DAPK1: variants seen among roughly 807,000 people sequenced by gnomAD.
DAPK1 encodes death associated protein kinase 1, also known as death-associated protein kinase 1.
Under a neutral mutation model 144.9 loss-of-function variants are expected in DAPK1, and 56 were observed. The ratio of observed to expected loss-of-function variants is 0.39; its 90% CI spans 0.31 to 0.48. DAPK1 has a LOEUF of 0.48. Ranked by LOEUF, DAPK1 falls within the 20% of genes least tolerant of loss-of-function variation. The probability of loss-of-function intolerance (pLI) is 0.95; values close to 1 mark genes in which losing one functional copy is unlikely to be tolerated. For missense variants in DAPK1, 1,454 were observed against 1,875.4 expected (o/e 0.78, Z 4.15); for synonymous variants, 690 against 749.0 (o/e 0.92, Z 1.29).
chr9:87,542,071 CTTAT>C (rs1426182342), intron 2 of DAPK1, among the ~76,000 whole-genome samples: 2 of 152,186 alleles, frequency 1.3e-5, no homozygotes, highest in Non-Finnish European at 2.9e-5. Flanking sequence ...AAGTCAGGGA[CTTAT>C]TTAGATAAAA....
Position 87,653,028 on chromosome 9 carries a change from C to T in DAPK1, c.1824+1304C>T, listed in dbSNP as rs553617635. ...GGGTCCTGATTCTGTGTCCTCTCACCTGATCCCAGGTCCTGATTCTGTGTC... is the reference window on the plus strand; with the variant it reads ...GGGTCCTGATTCTGTGTCCTCTCACTTGATCCCAGGTCCTGATTCTGTGTC... On this transcript the variant is annotated intron_variant, in intron 17 of 25. Transcript: ENST00000408954. 3.7e-3 allele frequency among the ~76,000 whole-genome samples: 545 copies of T among 145,802 alleles called. 3 individuals carry two copies. The highest frequency in any genetic ancestry group is 0.013 in the African/African-American group (514 of 40,316).
At chr9:87,633,423 A>G (rs1829783123) in intron 3 of DAPK1, 1 of 978,490 alleles carries the variant, frequency 1.0e-6, no homozygotes, top group African/African-American at 1.8e-5. Context: ...ACCTAGTGGG[A>G]TAGGGACTCT....
At position 87,504,622 on chromosome 9, in the gene DAPK1, A is replaced by G. The variant is rs565960605; in HGVS notation, c.62+5483A>G. Among the ~76,000 whole-genome samples the G allele has an allele frequency of 1.1e-4, 16 of 152,334 alleles. No individual in the cohort carries two copies. In the South Asian group the frequency reaches 2.1e-3, roughly 20 times the overall value. Reference sequence around the variant, plus strand: ...GCCTCTGCAAAGCCATGAAAAACTCATAAGAAACCTACAGAGATGGATGTC... The same window carrying G: ...GCCTCTGCAAAGCCATGAAAAACTCGTAAGAAACCTACAGAGATGGATGTC... On this transcript the variant is annotated intron_variant, in intron 2 of 25. Coordinates refer to ENST00000408954, the MANE Select transcript of DAPK1 (RefSeq NM_004938.4).
At chr9:87,526,941 T>C (rs942748098) in intron 2 of DAPK1, among the ~76,000 whole-genome samples, 3 of 152,038 alleles carry the variant, frequency 2.0e-5, no homozygotes, top group African/African-American at 7.3e-5. Flanking sequence ...TCAAAAACAG[T>C]TGGAGGATTG....
chr9:87,656,031 C>T (rs763308208), intron 17 of DAPK1, among the ~76,000 whole-genome samples: 1 of 152,240 alleles, frequency 6.6e-6, no homozygotes, highest in Non-Finnish European at 1.5e-5. Context: ...CTCATGTTGT[C>T]ATTGCTGCTG....
intron 2 of DAPK1, among the ~76,000 whole-genome samples, chr9:87,551,387 C>T (rs1321752827): frequency 6.6e-6 from 1 of 152,134 alleles, no homozygotes. Flanking sequence ...ACCTTATGAT[C>T]CACCCACCTT....
Position 87,499,021 on chromosome 9 carries a change from T to C in DAPK1, c.-57T>C. The C allele has an allele frequency of 6.9e-7, 1 of 1,459,504 alleles. No individual in the cohort carries two copies. The highest frequency in any genetic ancestry group is 9.6e-7 in the Non-Finnish European group (1 of 1,040,266). The allele number at this position is 1,459,504 out of a possible 1,614,324, so 90.4% of individuals were successfully genotyped here. ...TACGGAGGCGCAGGAGCGGTGGTGA[T>C]GGTCTGGGAAGCGGAGCTGAAGTGC... is the stretch of plus-strand genomic sequence containing the variant. On this transcript the variant is annotated 5_prime_UTR_variant, in exon 2 of 26. An upstream start codon of the reference 5' UTR is lost. Coordinates refer to ENST00000408954, the MANE Select transcript of DAPK1 (RefSeq NM_004938.4).
chr9:87,657,948 C>A lies in DAPK1; in HGVS notation c.1825-81C>A. 5.5e-6 allele frequency: 4 copies of A among 721,586 alleles called. No individual in the cohort carries two copies. In the South Asian group the frequency reaches 5.9e-5, roughly 11 times the overall value. The allele number at this position is 721,586 out of a possible 1,614,324, so 44.7% of individuals were successfully genotyped here. A position where few individuals can be genotyped will look rare whatever the true frequency, so the allele number is the denominator to read the frequency against. ...CCTTTCTGGTGGGCCCTGACCCCTT[C>A]CTTAACCTTGTGTCTCCGGAATGTC... On this transcript the variant is annotated intron_variant, in intron 17 of 25. Coordinates refer to ENST00000408954, the MANE Select transcript of DAPK1 (RefSeq NM_004938.4).
intron 2 of DAPK1, among the ~76,000 whole-genome samples, chr9:87,512,041 A>T (rs202214936): frequency 2.6e-5 from 4 of 151,898 alleles, no homozygotes; most frequent in African/African-American, 9.7e-5. Flanking sequence ...TGCTTTTTCA[A>T]GAGAAACCAT....
chr9:87,638,038 T>C lies in DAPK1; in HGVS notation c.380T>C (p.Val127Ala). Residue 127 changes from valine to alanine, a missense_variant, in exon 4 of 26, where the codon GTT becomes GCT. Around this residue, in one of 2 missense-constraint regions of DAPK1, gnomAD observed 429 missense variants for 637.5 expected, o/e 0.67. Coordinates refer to ENST00000408954, the MANE Select transcript of DAPK1 (RefSeq NM_004938.4). The stretch of plus-strand genomic sequence containing the variant: ...TTTCTCAAACAAATTCTTAATGGTG[T>C]TTACTACCTGCACTCCCTTCAAATC... Reference protein sequence around the residue: ...TEFLKQILNGVYYLHSLQIAH... With the variant: ...TEFLKQILNGAYYLHSLQIAH... 1 of 1,613,916 alleles carries C rather than the reference T, an allele frequency of 6.2e-7. No homozygotes were observed. The highest frequency in any genetic ancestry group is 1.3e-5 in the African/African-American group (1 of 75,028).
intron 11 of DAPK1, among the ~76,000 whole-genome samples, chr9:87,644,787 G>C (rs1830211724): frequency 6.6e-6 from 1 of 152,186 alleles, no homozygotes; most frequent in African/African-American, 2.4e-5. Flanking sequence ...AGGAGCTCCA[G>C]GTGGAAAGAT....
chr9:87,658,376 G>A (rs1217218351), intron 18 of DAPK1, among the ~76,000 whole-genome samples: 4 of 152,170 alleles, frequency 2.6e-5, no homozygotes, highest in African/African-American at 9.7e-5. Flanking sequence ...GCTTCCCGCT[G>A]GCCTTTTTGT....
chr9:87,542,666 C>T (rs76440402), intron 2 of DAPK1, among the ~76,000 whole-genome samples: 1,598 of 152,314 alleles, frequency 0.01, 18 homozygotes, highest in Non-Finnish European at 0.018. Flanking sequence ...AAGATCATTC[C>T]CATTTTAAGG....
At chr9:87,512,472 G>T (rs544497226) in intron 2 of DAPK1, among the ~76,000 whole-genome samples, 4 of 152,160 alleles carry the variant, frequency 2.6e-5, no homozygotes, top group African/African-American at 4.8e-5. Context: ...AACTGTCCGT[G>T]CCAAGAAAAG....
rs1007924755 is a variant in DAPK1, at chr9:87,686,049, A to G, written c.2225-502A>G. On this transcript the variant is annotated intron_variant, in intron 20 of 25. Coordinates refer to ENST00000408954, the MANE Select transcript of DAPK1 (RefSeq NM_004938.4). The surrounding 1 kb of genome is among the most constrained non-coding windows in gnomAD (Gnocchi z 4.2). ...TAGCTTTCACAGTGTGTGATTCAGC[A>G]TTATTTAATGCTATGGCCTGCTACT... 1.3e-5 allele frequency among the ~76,000 whole-genome samples: 2 copies of G among 152,246 alleles called. No individual in the cohort carries two copies. Among genetic ancestry groups the G allele is most frequent in the Non-Finnish European group, 2.9e-5 (2 of 68,048 alleles).
intron 2 of DAPK1, among the ~76,000 whole-genome samples, chr9:87,504,307 G>A (rs1168291639): frequency 1.3e-5 from 2 of 152,206 alleles, no homozygotes; most frequent in East Asian, 3.8e-4. Context: ...GTACATTTTA[G>A]GAAGGTCTAA....
intron 19 of DAPK1, among the ~76,000 whole-genome samples, chr9:87,676,981 C>G (rs1824408971): frequency 6.6e-6 from 1 of 152,194 alleles, no homozygotes; most frequent in South Asian, 2.1e-4. Flanking sequence ...GCCTTGGCCT[C>G]TCCAAGCCTC....
At chr9:87,499,515 CTAAT>C (rs745509968) in intron 2 of DAPK1, among the ~76,000 whole-genome samples, 171 of 152,290 alleles carry the variant, frequency 1.1e-3, no homozygotes, top group Non-Finnish European at 1.9e-3. Context: ...AGGGTACAAA[CTAAT>C]TAATAGGTTT....
intron 2 of DAPK1, among the ~76,000 whole-genome samples, chr9:87,558,363 C>G (rs895762697): frequency 1.3e-5 from 2 of 152,218 alleles, no homozygotes; most frequent in Admixed American, 1.3e-4. Context: ...GAGGATATAC[C>G]CACAGATCAA....
Sources: gnomAD v4.1 joint callset for allele counts (sites outside exome capture counted in the v4.1 genomes callset) on GRCh38, gnomAD v4.1.1 for gene constraint, gnomAD v4.1.1 regional missense constraint, Gnocchi (gnomAD v3.1) non-coding constraint, MANE v1.5 for transcripts, NCBI Gene and HGNC (gene_info 2026-07-23, HGNC 2026-07-21) for gene names.